ACAA2: variants seen among roughly 807,000 people sequenced by gnomAD.
The protein encoded by ACAA2 is 3-ketoacyl-CoA thiolase, mitochondrial.
In ACAA2, 35 loss-of-function variants were observed where a neutral mutation model predicts 44.8. That is an observed-to-expected ratio of 0.78 (90% CI 0.60 to 1.04). ACAA2 has a LOEUF of 1.04. Among genes scored for constraint, ACAA2 ranks in the 50% least tolerant of loss-of-function variants. The pLI is 0.00. For synonymous variants in ACAA2, 142 were observed against 166.5 expected (o/e 0.85, Z 1.13); for missense variants, 468 against 482.6 (o/e 0.97, Z 0.28).
At chr18:49,784,397 C>T (rs1338513006) in intron 9 of ACAA2, among the ~76,000 whole-genome samples, 3 of 152,108 alleles carry the variant, frequency 2.0e-5, no homozygotes, top group Admixed American at 2.0e-4. Context: ...AAAGTTTGTC[C>T]CTATGAAAGG....
intron 3 of ACAA2, among the ~76,000 whole-genome samples, chr18:49,796,822 A>T (rs2023470044): frequency 6.6e-6 from 1 of 152,186 alleles, no homozygotes; most frequent in Non-Finnish European, 1.5e-5. Flanking sequence ...CCTTGCCTGT[A>T]AAATGGGAAT....
At chr18:49,807,468 G>A (rs2023621399) in intron 1 of ACAA2, among the ~76,000 whole-genome samples, 1 of 152,188 alleles carries the variant, frequency 6.6e-6, no homozygotes, top group Non-Finnish European at 1.5e-5. Context: ...TGGGTTTGGT[G>A]ATAATTTTTT....
At chr18:49,791,161 T>C (rs188901487) in intron 7 of ACAA2, among the ~76,000 whole-genome samples, 1 of 152,338 alleles carries the variant, frequency 6.6e-6, no homozygotes, top group Non-Finnish European at 1.5e-5. Flanking sequence ...ATCACGTAAT[T>C]CTTCTGTTAT....
intron 1 of ACAA2, among the ~76,000 whole-genome samples, chr18:49,811,720 T>A (rs1761900827): frequency 6.6e-6 from 1 of 152,192 alleles, no homozygotes; most frequent in Non-Finnish European, 1.5e-5. Context: ...AAGCTTGGGT[T>A]CTAGTCACAG....
intron 7 of ACAA2, among the ~76,000 whole-genome samples, chr18:49,790,293 T>G (rs2143952042): frequency 6.6e-6 from 1 of 152,332 alleles, no homozygotes; most frequent in East Asian, 1.9e-4. Flanking sequence ...CATGCCAGCT[T>G]TTTTTCTTAG....
At chr18:49,801,785 C>CACAT (rs2023550768) in intron 2 of ACAA2, among the ~76,000 whole-genome samples, 1 of 112,234 alleles carries the variant, frequency 8.9e-6, no homozygotes, top group Non-Finnish European at 1.8e-5. Context: ...AGAAACTGAT[C>CACAT]ATATATATAT....
intron 3 of ACAA2, among the ~76,000 whole-genome samples, chr18:49,796,124 A>G (rs660127): frequency 0.52 from 79,117 of 152,062 alleles, 21,179 homozygotes; most frequent in Middle Eastern, 0.69. Flanking sequence ...GGCCCTACCT[A>G]CATGTGGCTA....
intron 8 of ACAA2, chr18:49,786,341 T>C (rs1337153836): frequency 6.6e-6 from 1 of 152,186 alleles, no homozygotes. Context: ...CAAATGATTA[T>C]GAACAACTTC....
At chr18:49,805,236 ATC>A (rs543885857) in intron 1 of ACAA2, among the ~76,000 whole-genome samples, 4 of 152,338 alleles carry the variant, frequency 2.6e-5, no homozygotes, top group African/African-American at 9.6e-5. Flanking sequence ...TCTAAGTATA[ATC>A]TTCCAGTTTA....
At chr18:49,787,211 C>T in intron 8 of ACAA2, 80 bp downstream of exon 8, 2 of 1,127,846 alleles carry the variant, frequency 1.8e-6, no homozygotes, top group Non-Finnish European at 2.3e-6. Context: ...GCAATGAGAC[C>T]AAATTAAAGT....
chr18:49,798,550 G>C (rs549860431), intron 2 of ACAA2, among the ~76,000 whole-genome samples: 1 of 151,522 alleles, frequency 6.6e-6, no homozygotes, highest in South Asian at 2.1e-4. Context: ...GCAAAAGCAA[G>C]TTTGACAAAA....
chr18:49,808,533 C>T (rs1388074363), intron 1 of ACAA2, among the ~76,000 whole-genome samples: 2 of 152,038 alleles, frequency 1.3e-5, no homozygotes, highest in African/African-American at 4.8e-5. Flanking sequence ...AGAAAGAGTA[C>T]AAAGAGAGGA....
intron 2 of ACAA2, 82 bp downstream of exon 2, chr18:49,802,605 C>T: frequency 7.8e-7 from 1 of 1,287,112 alleles, no homozygotes; most frequent in Non-Finnish European, 1.1e-6. Flanking sequence ...ACTTGTTTAC[C>T]ATTATGATAT....
chr18:49,804,215 A>G (rs962851854), intron 1 of ACAA2, among the ~76,000 whole-genome samples: 7 of 151,986 alleles, frequency 4.6e-5, no homozygotes, highest in East Asian at 3.9e-4. Flanking sequence ...CCCGGCCCCA[A>G]CGAATGATAT....
At chr18:49,792,457 A>G (rs2023414854) in intron 5 of ACAA2, 130 bp from the exon 6 acceptor site, 2 of 870,766 alleles carry the variant, frequency 2.3e-6, no homozygotes, top group East Asian at 5.6e-5. Flanking sequence ...GTCTTTATTA[A>G]TTTTTGAGAT....
At chr18:49,791,662 C>T (rs888517118) in intron 6 of ACAA2, 63 bp from the exon 7 acceptor site, 50 of 1,542,564 alleles carry the variant, frequency 3.2e-5, no homozygotes, top group Non-Finnish European at 4.1e-5. Context: ...AAAGTTTGAA[C>T]TAATGGACTA....
chr18:49,807,671 A>G (rs2023623918), intron 1 of ACAA2, among the ~76,000 whole-genome samples: 1 of 152,080 alleles, frequency 6.6e-6, no homozygotes, highest in Non-Finnish European at 1.5e-5. Context: ...GTCTCTATAA[A>G]AAATTAAGAA....
At chr18:49,789,294 C>T (rs1287581299) in intron 7 of ACAA2, among the ~76,000 whole-genome samples, 1 of 151,534 alleles carries the variant, frequency 6.6e-6, no homozygotes, top group Admixed American at 6.6e-5. Flanking sequence ...AACCAGTTCC[C>T]ACTAGATACT....
At chr18:49,798,066 G>A (rs1484950443) in intron 2 of ACAA2, among the ~76,000 whole-genome samples, 2 of 152,184 alleles carry the variant, frequency 1.3e-5, no homozygotes, top group Admixed American at 6.5e-5. Flanking sequence ...GGAAGTATCG[G>A]AGGCTGTGGT....
Sources: allele counts gnomAD v4.1 joint callset (sites outside exome capture counted in the v4.1 genomes callset), GRCh38; gene constraint gnomAD v4.1.1; transcripts MANE v1.5; gene names NCBI Gene and HGNC (gene_info 2026-07-23, HGNC 2026-07-21).